The following PABPC1L variants were observed in gnomAD, a reference collection of about 807,000 sequenced individuals.
PABPC1L encodes poly(A) binding protein cytoplasmic 1 like.
Under a neutral mutation model 66.6 loss-of-function variants are expected in PABPC1L, and 31 were observed. That is an observed-to-expected ratio of 0.47 (90% CI 0.35 to 0.63). The LOEUF is 0.63. PABPC1L is among the 20% of genes least tolerant of loss of function. PABPC1L has a pLI of 0.00. For missense variants in PABPC1L, 722 were observed against 848.8 expected, an observed-to-expected ratio of 0.85 and a Z score of 1.86; for synonymous variants, 348 against 335.1, an observed-to-expected ratio of 1.04 and a Z score of -0.42.
intron 10 of PABPC1L, among the ~76,000 whole-genome samples, chr20:44,935,022 A>T (rs1310150076): frequency 6.6e-6 from 1 of 151,886 alleles, no homozygotes; most frequent in Non-Finnish European, 1.5e-5. Context: ...GAGCCGAGAT[A>T]ACACCACTGC....
intron 6 of PABPC1L, among the ~76,000 whole-genome samples, chr20:44,922,828 C>T (rs771070793): frequency 1.3e-5 from 2 of 152,158 alleles, no homozygotes; most frequent in African/African-American, 4.8e-5. Flanking sequence ...TTTTCATTGT[C>T]GTGTGGGTGG....
chr20:44,935,487 G>T lies in PABPC1L; in HGVS notation c.1556G>T (p.Ser519Ile), dbSNP rs568575037. Residue 519 changes from serine to isoleucine, a missense_variant, in exon 11 of 15, where the codon AGC becomes ATC. Ser to Ile is a moderately radical substitution (Grantham distance 142, BLOSUM62 -2). Coordinates refer to ENST00000217073, the MANE Select transcript of PABPC1L (RefSeq NM_001372179.1). ...TGCAAATGTTCCTCAGCAGCACATA[G>T]CACCTATCGGGTAAGGCCAGCCCAG... ...LPCKCSSAAH[S>I]TYRVQEPAVH... 87 of 1,614,112 alleles carry T rather than the reference G, an allele frequency of 5.4e-5. No homozygotes were observed. In the South Asian group the frequency reaches 9.3e-4, roughly 17 times the overall value.
intron 7 of PABPC1L, among the ~76,000 whole-genome samples, chr20:44,927,976 A>G (rs2066822355): frequency 6.6e-6 from 1 of 151,936 alleles, no homozygotes; most frequent in African/African-American, 2.4e-5. Flanking sequence ...TTAAATGCAT[A>G]AAATAAGATT....
intron 1 of PABPC1L, among the ~76,000 whole-genome samples, chr20:44,911,774 C>T (rs1423230627): frequency 6.6e-6 from 1 of 152,168 alleles, no homozygotes; most frequent in Non-Finnish European, 1.5e-5. Context: ...AAGTGGGACT[C>T]GGCCTGGAAA....
At chr20:44,917,539 T>C (rs570221459) in intron 3 of PABPC1L, among the ~76,000 whole-genome samples, 42 of 152,254 alleles carry the variant, frequency 2.8e-4, no homozygotes, top group Non-Finnish European at 4.6e-4. Flanking sequence ...CATGAGATTT[T>C]GGCAGAAAGA....
chr20:44,937,996 C>T lies in PABPC1L; in HGVS notation c.1661-65C>T, dbSNP rs546961328. 2.1e-3 allele frequency: 3,331 copies of T among 1,606,718 alleles called. 12 individuals are homozygous for T. The highest frequency in any genetic ancestry group is 1.9e-3 in the Non-Finnish European group (2,282 of 1,177,312). ...GATGTCCTCAGTGCTCCACTCCATA[C>T]GAGCCCTGGGATGCTGGGGTGTGAG... On this transcript the variant is annotated intron_variant, in intron 12 of 14. Transcript: ENST00000217073.
chr20:44,916,595 G>A (rs755161142), intron 2 of PABPC1L, among the ~76,000 whole-genome samples, 161 bp from the exon 3 acceptor site: 22 of 152,216 alleles, frequency 1.4e-4, no homozygotes, highest in Non-Finnish European at 2.4e-4. Flanking sequence ...GTTAACTTGA[G>A]TGGTGACACT....
rs2066754803 is a variant in PABPC1L at position 44,918,955 on chromosome 20, G to GAC, written c.553_554insAC (p.Ala185AspfsTer12). 6.2e-7 allele frequency: 1 copy of GAC among 1,612,358 alleles called. No homozygotes were observed. The highest frequency in any genetic ancestry group is 1.3e-5 in the African/African-American group (1 of 74,898). ...ACGGGAGCGGGAGGCGGAGCTGGGG[G>GAC]CGCGGGCCCTGGAGTTCACCAACAT... On this transcript the variant is annotated frameshift_variant, in exon 4 of 15. Coordinates refer to ENST00000217073, the MANE Select transcript of PABPC1L (RefSeq NM_001372179.1). LOFTEE classifies it high-confidence loss of function.
intron 1 of PABPC1L, among the ~76,000 whole-genome samples, chr20:44,910,879 C>G (rs1223367606): frequency 6.6e-6 from 1 of 152,228 alleles, no homozygotes; most frequent in Non-Finnish European, 1.5e-5. Context: ...TCTGAAAAAC[C>G]GCTGCCTCCA....
At chr20:44,921,468 T>C in intron 5 of PABPC1L, 126 bp from the exon 6 acceptor site, 1 of 1,358,668 alleles carries the variant, frequency 7.4e-7, no homozygotes, top group South Asian at 1.4e-5. Context: ...TTTGTCCTGG[T>C]ACTGATTATT....
Position 44,918,889 on chromosome 20 carries a change from G to A in PABPC1L, c.504-17G>A. 6.4e-7 allele frequency: 1 copy of A among 1,559,266 alleles called. No individual in the cohort carries two copies. Among genetic ancestry groups the A allele is most frequent in the Non-Finnish European group, 8.7e-7 (1 of 1,151,864 alleles). On this transcript the variant is annotated splice_polypyrimidine_tract_variant and intron_variant, in intron 3 of 14. Transcript: ENST00000217073. ...GGTAGCTGTCCACAGCCATGAGCCA[G>A]TGTGTCATGTCCACAGCTTTGTGGG...
rs2066893825 is a variant in PABPC1L, at chr20:44,935,418, C to A, written c.1487C>A (p.Pro496His). 9 of 1,614,036 alleles carry A rather than the reference C, an allele frequency of 5.6e-6. No homozygotes were observed. Among genetic ancestry groups the A allele is most frequent in the Non-Finnish European group, 7.6e-6 (9 of 1,180,008 alleles). ...AACATTGGTACTCAGACCACAGGAC[C>A]CAGTGGGGTAGGATGCTGTACACCA... ...VANIGTQTTG[P>H]SGVGCCTPGR... The change falls in exon 11 of 15, where the codon CCC (proline) becomes CAC (histidine). Residue 496 changes from proline (P) to histidine (H), a missense_variant. This residue lies in a region of PABPC1L where 301 missense variants were observed against 337.2 expected (regional missense o/e 0.89). Coordinates refer to ENST00000217073, the MANE Select transcript of PABPC1L (RefSeq NM_001372179.1).
At chr20:44,930,412 G>A (rs535238366) in intron 7 of PABPC1L, 48 bp from the exon 8 acceptor site, 235 of 1,578,412 alleles carry the variant, frequency 1.5e-4, no homozygotes, top group East Asian at 3.6e-4. Context: ...GCAGCCCCAG[G>A]AGCCTTCCTT....
chr20:44,915,906 T>C (rs2066734828), intron 2 of PABPC1L, among the ~76,000 whole-genome samples: 1 of 152,202 alleles, frequency 6.6e-6, no homozygotes, highest in Non-Finnish European at 1.5e-5. Context: ...CAAGACTCCA[T>C]TTCTTTCAGC....
chr20:44,936,395 G>A (rs2066900770), intron 11 of PABPC1L, among the ~76,000 whole-genome samples: 1 of 152,084 alleles, frequency 6.6e-6, no homozygotes, highest in Non-Finnish European at 1.5e-5. Context: ...CTTTATCAAC[G>A]TTCATCAGGG....
At position 44,930,554 on chromosome 20, in the gene PABPC1L, G is replaced by A. The variant is rs201834135; in HGVS notation, c.1067G>A (p.Arg356His). The A allele has an allele frequency of 3.0e-5, 48 of 1,614,244 alleles. No homozygotes were observed. In the East Asian group the frequency reaches 4.5e-4, roughly 15 times the overall value. Residue 356 changes from arginine (R) to histidine (H), a missense_variant, in exon 8 of 15, where the codon CGC (arginine) becomes CAC (histidine). By Grantham distance (29) the Arg-to-His change is conservative (BLOSUM62 0). This residue lies in a region of PABPC1L where 137 missense variants were observed against 216.8 expected (regional missense o/e 0.63). Coordinates refer to ENST00000217073, the MANE Select transcript of PABPC1L (RefSeq NM_001372179.1). ...ATKAVTEMNGRIVGTKPLYVA... is the reference protein window; with the variant it reads ...ATKAVTEMNGHIVGTKPLYVA... ...AAGGCCGTGACAGAGATGAACGGGCGCATCGTGGGCACCAAGCCACTCTAC... is the reference window on the plus strand; with the variant it reads ...AAGGCCGTGACAGAGATGAACGGGCACATCGTGGGCACCAAGCCACTCTAC...
At chr20:44,922,490 C>G (rs2066780993) in intron 6 of PABPC1L, among the ~76,000 whole-genome samples, 1 of 152,178 alleles carries the variant, frequency 6.6e-6, no homozygotes. Flanking sequence ...CCCGCCTCAG[C>G]CTCCCAAAGT....
At position 44,921,648 on chromosome 20, in the gene PABPC1L, C is replaced by T. The variant is rs781115535; in HGVS notation, c.793C>T (p.Arg265Trp). Reference sequence around the variant, plus strand: ...GAGCGGGCGGCTGCTGTACGCGGGCCGGGCCCAAAAGCGCGTGGAGCGGCA... The same window carrying T: ...GAGCGGGCGGCTGCTGTACGCGGGCTGGGCCCAAAAGCGCGTGGAGCGGCA... ...EVSGRLLYAG[R>W]AQKRVERQNE... Residue 265 changes from arginine (R) to tryptophan (W), a missense_variant, in exon 6 of 15, where the codon CGG (arginine) becomes TGG (tryptophan). Physicochemically the swap from Arg to Trp is moderately radical, Grantham distance 101. Around this residue, in one of 3 missense-constraint regions of PABPC1L, gnomAD observed 137 missense variants for 216.8 expected, o/e 0.63. Coordinates refer to ENST00000217073, the MANE Select transcript of PABPC1L (RefSeq NM_001372179.1). 38 of 1,613,894 alleles carry T rather than the reference C, an allele frequency of 2.4e-5. No individual in the cohort carries two copies. Among genetic ancestry groups the T allele is most frequent in the Admixed American group, 8.3e-5 (5 of 59,954 alleles).
At chr20:44,932,294 C>G in intron 8 of PABPC1L, 48 bp from the exon 9 acceptor site, 1 of 1,503,790 alleles carries the variant, frequency 6.6e-7, no homozygotes, top group Non-Finnish European at 9.1e-7. Flanking sequence ...AGCTTCTCAC[C>G]TACCCTGCCG....
Sources: gnomAD v4.1 joint callset for allele counts (sites outside exome capture counted in the v4.1 genomes callset) on GRCh38, gnomAD v4.1.1 for gene constraint, gnomAD v4.1.1 regional missense constraint, MANE v1.5 for transcripts, NCBI Gene and HGNC (gene_info 2026-07-23, HGNC 2026-07-21) for gene names.